INF2: variants seen among roughly 807,000 people sequenced by gnomAD.
The protein encoded by INF2 is inverted formin 2.
In INF2, 43 loss-of-function variants were observed where a neutral mutation model predicts 123.5. That is an observed-to-expected ratio of 0.35 (90% CI 0.27 to 0.45). INF2 has a LOEUF of 0.45. Among genes scored for constraint, INF2 ranks in the 20% least tolerant of loss-of-function variants. The pLI, the probability that INF2 is intolerant of heterozygous loss-of-function variation, is 1.00. For missense variants in INF2, 1,453 were observed against 1,682.7 expected (o/e 0.86, Z 2.39); for synonymous variants, 851 against 745.0 (o/e 1.14, Z -2.32).
chr14:104,713,056 C>A, intron 18 of INF2, 64 bp downstream of exon 18: 1 of 1,608,714 alleles, frequency 6.2e-7, no homozygotes, highest in South Asian at 1.1e-5. Context: ...CCCTGGCCTT[C>A]CTCCGGCAGG....
intron 10 of INF2, 88 bp downstream of exon 10, chr14:104,708,820 A>G: frequency 7.4e-7 from 1 of 1,352,198 alleles, no homozygotes; most frequent in Non-Finnish European, 1.1e-6. Context: ...TGCCCTCTGC[A>G]GGCCGCCATG....
At chr14:104,683,212 G>A (rs527686649) in intron 1 of INF2, among the ~76,000 whole-genome samples, 1 of 152,186 alleles carries the variant, frequency 6.6e-6, no homozygotes, top group South Asian at 2.1e-4. Flanking sequence ...AGGGGAGGAG[G>A]GGCCCTGGGG....
chr14:104,704,269 A>C, intron 5 of INF2: 1 of 1,055,632 alleles, frequency 9.5e-7, no homozygotes. Flanking sequence ...AGAAAATGAA[A>C]TGCCAATAAG....
upstream of INF2, chr14:104,689,590 TCCCGCCC>T: frequency 4.5e-4 from 291 of 646,584 alleles, no homozygotes; most frequent in Middle Eastern, 8.4e-4. Flanking sequence ...CTCCTCTTCC[TCCCGCCC>T]GCCCCGCCCG....
rs111887340 is a variant in INF2, at chr14:104,708,638, C to T, written c.1888-33C>T. 2.1e-3 allele frequency: 3,375 copies of T among 1,612,696 alleles called. 38 individuals carry two copies. In the African/African-American group the frequency reaches 0.029, roughly 14 times the overall value. ...CGGGGCCGCCTGCCTGGCCACCCTC[C>T]GGTACCAGCCTGTTGGGTGGGGGGT... On this transcript the variant is annotated intron_variant, in intron 9 of 22. Transcript: ENST00000392634.
In INF2 at chr14:104,714,786, C is replaced by T. The variant is rs1387927318; in HGVS notation, c.3624C>T (p.Pro1208=). 8.1e-6 allele frequency: 13 copies of T among 1,599,138 alleles called. No homozygotes were observed. Among genetic ancestry groups the T allele is most frequent in the South Asian group, 1.1e-5 (1 of 89,386 alleles). The change falls in exon 21 of 23, where the codon CCC becomes CCT. Residue 1208 remains proline, a synonymous_variant. Transcript: ENST00000392634. Reference sequence around the variant, plus strand: ...ACTCCTCGGGGTCGGGCACACTCCCCAGGGCCCGGGGCCGGGCCTCAAAGG... The same window carrying T: ...ACTCCTCGGGGTCGGGCACACTCCCTAGGGCCCGGGGCCGGGCCTCAAAGG... ...VTDSSGSGTL[P]RARGRASKGT...
Position 104,713,442 on chromosome 14 carries a change from C to T in INF2, c.2879-3C>T, listed in dbSNP as rs757145852. The T allele has an allele frequency of 1.2e-5, 20 of 1,609,418 alleles. No individual in the cohort carries two copies. The highest frequency in any genetic ancestry group is 1.7e-5 in the Non-Finnish European group (20 of 1,178,628). On this transcript the variant is annotated splice_region_variant and splice_polypyrimidine_tract_variant and intron_variant, in intron 19 of 22. Transcript: ENST00000392634. ...CGCTCTCTGAGTGCCCCACGCTCCT[C>T]AGTCAGGAAGGGGCCCGGGAAGCAG...
Position 104,721,750 on chromosome 14 carries a change from C to T in INF2, c.*2957C>T, listed in dbSNP as rs1475400849. On this transcript the variant is annotated 3_prime_UTR_variant, in exon 23 of 23. Transcript: ENST00000392634. ...TGCCTGGAGAGGTGGGACTGGGGAC[C>T]CTGTGACAGGAGGAGCTGCCCTTCC... 1 of 152,242 alleles carries T rather than the reference C, an allele frequency of 6.6e-6. No individual in the cohort carries two copies. The highest frequency in any genetic ancestry group is 2.1e-4 in the South Asian group (1 of 4,832). 9.4% of individuals were successfully genotyped at this position (152,242 alleles called of 1,614,324 possible).
chr14:104,712,335 A>G, intron 16 of INF2, 98 bp from the exon 17 acceptor site: 1 of 1,518,802 alleles, frequency 6.6e-7, no homozygotes, highest in South Asian at 1.2e-5. Flanking sequence ...TGCAGGGTGC[A>G]CAGTGGGGTG....
At chr14:104,705,550 G>A (rs1341180018) in intron 5 of INF2, among the ~76,000 whole-genome samples, 2 of 152,194 alleles carry the variant, frequency 1.3e-5, no homozygotes, top group Non-Finnish European at 2.9e-5. Context: ...TGACTGGCAA[G>A]TCCTAGGCCC....
At chr14:104,701,304 G>C (rs1406195287) in intron 1 of INF2, 53 bp from the exon 2 acceptor site, 1 of 1,526,816 alleles carries the variant, frequency 6.5e-7, no homozygotes, top group Non-Finnish European at 8.8e-7. Context: ...TGGTGGCCAG[G>C]AGGACAGCCC....
chr14:104,696,006 T>C (rs8018522), intron 1 of INF2, among the ~76,000 whole-genome samples: 8,410 of 152,250 alleles, frequency 0.055, 522 homozygotes, highest in African/African-American at 0.15. Flanking sequence ...ACGACCATAT[T>C]CATCCGAGAT....
In INF2 at chr14:104,714,637, C is replaced by T. The variant is rs564510154; in HGVS notation, c.3475C>T (p.Arg1159Cys). The T allele has an allele frequency of 1.7e-5, 27 of 1,612,582 alleles. No homozygotes were observed. Among genetic ancestry groups the T allele is most frequent in the Middle Eastern group, 1.6e-4 (1 of 6,062 alleles). Residue 1159 changes from arginine (R) to cysteine (C), a missense_variant, in exon 21 of 23, where the codon CGT becomes TGT. By Grantham distance (180) the Arg-to-Cys change is radical (BLOSUM62 -3). Transcript: ENST00000392634. The part of the protein sequence containing the change: ...SEGLEDAVHS[R>C]GARPPAAGPG... ...GGGGCTGGAGGACGCTGTCCACAGC[C>T]GTGGTGCCAGACCCCCTGCAGCAGG...
At chr14:104,695,202 T>G (rs540921711) in intron 1 of INF2, among the ~76,000 whole-genome samples, 1 of 152,210 alleles carries the variant, frequency 6.6e-6, no homozygotes, top group Non-Finnish European at 1.5e-5. Flanking sequence ...GATCAGGCCC[T>G]GTGCCCTTCC....
At chr14:104,716,578 C>T (rs1468822374) in intron 22 of INF2, among the ~76,000 whole-genome samples, 2 of 152,264 alleles carry the variant, frequency 1.3e-5, no homozygotes, top group African/African-American at 4.8e-5. Flanking sequence ...CTCCACGCTC[C>T]ACCTGGTTCC....
intron 22 of INF2, among the ~76,000 whole-genome samples, chr14:104,716,190 C>T (rs927920584): frequency 5.3e-5 from 8 of 152,200 alleles, no homozygotes; most frequent in South Asian, 2.1e-4. Flanking sequence ...AGAGCCAGCC[C>T]GGTGTCGGTG....
chr14:104,716,313 G>A (rs1215436455), intron 22 of INF2, among the ~76,000 whole-genome samples: 2 of 152,232 alleles, frequency 1.3e-5, no homozygotes, highest in African/African-American at 4.8e-5. Context: ...AAGCTTCTCC[G>A]GACAGCTTGT....
intron 1 of INF2, among the ~76,000 whole-genome samples, chr14:104,683,813 C>A (rs911534274): frequency 6.6e-6 from 1 of 152,192 alleles, no homozygotes; most frequent in African/African-American, 2.4e-5. Context: ...CTGCCCTGAG[C>A]CCTCTCCCCC....
chr14:104,683,774 G>C (rs529082697), intron 1 of INF2, among the ~76,000 whole-genome samples: 1 of 152,152 alleles, frequency 6.6e-6, no homozygotes, highest in African/African-American at 2.4e-5. Context: ...AGATCATCAG[G>C]CAAGATCCAA....
Sources: gnomAD v4.1 joint callset for allele counts (sites outside exome capture counted in the v4.1 genomes callset) on GRCh38, gnomAD v4.1.1 for gene constraint, MANE v1.5 for transcripts, NCBI Gene and HGNC (gene_info 2026-07-23, HGNC 2026-07-21) for gene names.